LRIG1: variants seen among roughly 807,000 people sequenced by gnomAD.
The protein encoded by LRIG1 is leucine rich repeats and immunoglobulin like domains 1, also known as leucine-rich repeats and immunoglobulin-like domains protein 1.
In LRIG1, 48 loss-of-function variants were observed where a neutral mutation model predicts 99.2. The ratio of observed to expected loss-of-function variants is 0.48; its 90% CI spans 0.38 to 0.62. The LOEUF (loss-of-function observed/expected upper bound fraction) is 0.62. LRIG1 is among the 20% of genes least tolerant of loss of function. LRIG1 has a pLI of 0.00. For synonymous variants in LRIG1, 772 were observed against 596.1 expected (o/e 1.29, Z -4.30); for missense variants, 1,646 against 1,434.4 (o/e 1.15, Z -2.38).
In LRIG1 at chr3:66,380,777, ACAGG is replaced by A. The variant is rs1467456087; in HGVS notation, c.2851_2854del (p.Pro951CysfsTer53). ...ACTTGGCTGTGCGCTGTCTCTGGAC[ACAGG>A]CTGGGGGTGGAAGGCTTGTCCCCTG... On this transcript the variant is annotated frameshift_variant, in exon 18 of 19. Transcript: ENST00000273261. LOFTEE classifies it high-confidence loss of function. 2.5e-6 allele frequency: 4 copies of A among 1,614,082 alleles called. No individual in the cohort carries two copies. The highest frequency in any genetic ancestry group is 3.4e-6 in the Non-Finnish European group (4 of 1,180,042).
At chr3:66,411,777 C>T (rs1192333173) in intron 6 of LRIG1, among the ~76,000 whole-genome samples, 1 of 152,134 alleles carries the variant, frequency 6.6e-6, no homozygotes, top group African/African-American at 2.4e-5. Flanking sequence ...ATCATTGACT[C>T]TCAAGGAGGA....
rs780022294 is a variant in LRIG1, at chr3:66,383,400, C to G, written c.2073G>C (p.Glu691Asp). ...CCAAGGGGACCACCAAGGATGGGGT[C>G]TCTACAAGAGAGCAACAGAGATCTT... ...ISANATLTVLETPSLVVPLED... is the reference protein window; with the variant it reads ...ISANATLTVLDTPSLVVPLED... Residue 691 changes from glutamate to aspartate, a missense_variant and splice_region_variant, in exon 15 of 19, where the codon GAG becomes GAC. By Grantham distance (45) the Glu-to-Asp change is conservative. Transcript: ENST00000273261. 2.6e-6 allele frequency: 4 copies of G among 1,552,074 alleles called. No homozygotes were observed. The Admixed American group carries it at 7.2e-5, about 28-fold the overall frequency.
At position 66,457,513 on chromosome 3, in the gene LRIG1, T is replaced by A. The variant is rs150652627; in HGVS notation, c.290+4925A>T. Reference sequence around the variant, plus strand: ...TCATTTCTAAACAATGCACCCAGCTTGGAGGGCTGGGCAGTTCCAAACGTA... The same window carrying A: ...TCATTTCTAAACAATGCACCCAGCTAGGAGGGCTGGGCAGTTCCAAACGTA... On this transcript the variant is annotated intron_variant, in intron 2 of 18. Transcript: ENST00000273261. 7.5e-4 allele frequency among the ~76,000 whole-genome samples: 114 copies of A among 152,286 alleles called. No individual in the cohort carries two copies. In the East Asian group the frequency reaches 0.02, roughly 27 times the overall value.
intron 1 of LRIG1, among the ~76,000 whole-genome samples, chr3:66,486,366 T>TA (rs1344110634): frequency 6.6e-6 from 1 of 152,124 alleles, no homozygotes; most frequent in Non-Finnish European, 1.5e-5. Flanking sequence ...AGCTGCCTCT[T>TA]AACCACCGTG....
chr3:66,408,816 T>G (rs1702364530), intron 7 of LRIG1, among the ~76,000 whole-genome samples: 1 of 151,954 alleles, frequency 6.6e-6, no homozygotes, highest in Admixed American at 6.5e-5. Flanking sequence ...ACCAAAGGGT[T>G]AACACTCACA....
intron 9 of LRIG1, among the ~76,000 whole-genome samples, chr3:66,402,995 T>A (rs1487365876): frequency 6.6e-6 from 1 of 152,190 alleles, no homozygotes; most frequent in South Asian, 2.1e-4. Context: ...AGTTTTTACA[T>A]AGCCCTGTGT....
intron 3 of LRIG1, among the ~76,000 whole-genome samples, chr3:66,451,309 TAA>T (rs35826327): frequency 9.0e-5 from 13 of 145,042 alleles, no homozygotes; most frequent in Admixed American, 6.8e-5. Context: ...CTCTGCGCAT[TAA>T]AAAAAAAAAA....
chr3:66,380,795 G>T lies in LRIG1; in HGVS notation c.2837C>A (p.Ala946Asp), dbSNP rs754268017. ...TEVDCYSRGQ[A>D]FHPQPVSRDS... ...TCTGGACACAGGCTGGGGGTGGAAG[G>T]CTTGTCCCCTGGAGTAACAGTCCAC... Residue 946 changes from alanine (A) to aspartate (D), a missense_variant, in exon 18 of 19, where the codon GCC (alanine) becomes GAC (aspartate). Ala to Asp is a moderately radical substitution (Grantham distance 126). Coordinates refer to ENST00000273261, the MANE Select transcript of LRIG1 (RefSeq NM_015541.3). 2.5e-6 allele frequency: 4 copies of T among 1,614,216 alleles called. No homozygotes were observed. The South Asian group carries it at 4.4e-5, about 18-fold the overall frequency.
intron 2 of LRIG1, among the ~76,000 whole-genome samples, chr3:66,454,512 T>C (rs1207480379): frequency 6.6e-6 from 1 of 152,178 alleles, no homozygotes; most frequent in East Asian, 1.9e-4. Flanking sequence ...CCCGCCAATT[T>C]ACTTCCCCTG....
intron 8 of LRIG1, among the ~76,000 whole-genome samples, chr3:66,405,481 A>T (rs926404991): frequency 6.6e-6 from 1 of 152,164 alleles, no homozygotes; most frequent in African/African-American, 2.4e-5. Flanking sequence ...CACATGCCTT[A>T]GACAAGAAAC....
intron 9 of LRIG1, chr3:66,404,403 G>A (rs531220669): frequency 8.1e-7 from 1 of 1,241,392 alleles, no homozygotes; most frequent in Non-Finnish European, 1.0e-6. Flanking sequence ...CTAGTAAACA[G>A]TAATAATGAC....
At chr3:66,469,284 T>C (rs894381498) in intron 1 of LRIG1, 3 of 152,238 alleles carry the variant, frequency 2.0e-5, no homozygotes, top group Non-Finnish European at 4.4e-5. Flanking sequence ...TGTAAGCTTT[T>C]GGGCAGTTGT....
At chr3:66,429,324 G>T (rs940004948) in intron 3 of LRIG1, among the ~76,000 whole-genome samples, 1 of 152,186 alleles carries the variant, frequency 6.6e-6, no homozygotes, top group South Asian at 2.1e-4. Flanking sequence ...CCACTGTTCT[G>T]TGAAGTCTAG....
At chr3:66,381,722 T>C in intron 16 of LRIG1, 91 bp from the exon 17 acceptor site, 2 of 1,431,144 alleles carry the variant, frequency 1.4e-6, no homozygotes, top group Admixed American at 2.1e-5. Context: ...GCTAGAACAG[T>C]CATTTTTTTT....
At chr3:66,415,801 G>A (rs906074271) in intron 4 of LRIG1, among the ~76,000 whole-genome samples, 3 of 152,188 alleles carry the variant, frequency 2.0e-5, no homozygotes, top group Admixed American at 1.3e-4. Flanking sequence ...AAAAAGAAAA[G>A]AAAGTACAAG....
At chr3:66,397,498 G>C (rs372114515) in intron 11 of LRIG1, among the ~76,000 whole-genome samples, 1 of 150,346 alleles carries the variant, frequency 6.7e-6, no homozygotes, top group East Asian at 1.9e-4. Flanking sequence ...TTACACCTGA[G>C]GACCCAGACT....
chr3:66,426,327 T>C (rs776198553), intron 3 of LRIG1, among the ~76,000 whole-genome samples: 3 of 152,198 alleles, frequency 2.0e-5, no homozygotes, highest in African/African-American at 7.2e-5. Flanking sequence ...TAAAACTTTA[T>C]TTACAAAAAC....
chr3:66,417,556 C>G, intron 3 of LRIG1: 1 of 390,236 alleles, frequency 2.6e-6, no homozygotes, highest in Non-Finnish European at 4.8e-6. Context: ...CCAGCATGAC[C>G]TGACCAGAAT....
intron 3 of LRIG1, among the ~76,000 whole-genome samples, chr3:66,428,096 G>A (rs570207401): frequency 4.6e-5 from 7 of 152,256 alleles, no homozygotes; most frequent in Non-Finnish European, 8.8e-5. Flanking sequence ...CTATGAACAC[G>A]GACTTGTCTT....
Sources: allele counts gnomAD v4.1 joint callset (sites outside exome capture counted in the v4.1 genomes callset), GRCh38; gene constraint gnomAD v4.1.1; transcripts MANE v1.5; gene names NCBI Gene and HGNC (gene_info 2026-07-23, HGNC 2026-07-21).